Variants in KCNT2 observed in about 807,000 individuals in gnomAD.
KCNT2 encodes potassium channel subfamily T member 2.
In KCNT2, 67 loss-of-function variants were observed where a neutral mutation model predicts 153.8. The observed-to-expected ratio is 0.44, with a 90% CI of 0.36 to 0.53. KCNT2 has a LOEUF of 0.53. Ranked by LOEUF, KCNT2 falls within the 20% of genes least tolerant of loss-of-function variation. The pLI is 0.00. For missense variants in KCNT2, 975 were observed against 1,354.8 expected, an observed-to-expected ratio of 0.72 and a Z score of 4.40; for synonymous variants, 500 against 458.8, an observed-to-expected ratio of 1.09 and a Z score of -1.15.
chr1:196,370,855 T>G (rs1668465987), intron 14 of KCNT2, among the ~76,000 whole-genome samples: 1 of 152,098 alleles, frequency 6.6e-6, no homozygotes. Flanking sequence ...CAATGGAATA[T>G]TATTCAGTTG....
At chr1:196,482,409 T>A (rs780611212) in intron 3 of KCNT2, 30 bp from the exon 4 acceptor site, 6 of 1,253,192 alleles carry the variant, frequency 4.8e-6, no homozygotes, top group Non-Finnish European at 5.5e-6. Context: ...AAGTTAGTTT[T>A]TTAAAATATG....
chr1:196,243,456 A>G (rs1655139921), intron 26 of KCNT2, among the ~76,000 whole-genome samples: 1 of 152,152 alleles, frequency 6.6e-6, no homozygotes, highest in African/African-American at 2.4e-5. Flanking sequence ...AGTAGGAAAG[A>G]CCATCTTGAA....
intron 1 of KCNT2, among the ~76,000 whole-genome samples, chr1:196,552,623 T>A (rs1231701059): frequency 6.6e-6 from 1 of 151,412 alleles, no homozygotes; most frequent in African/African-American, 2.4e-5. Context: ...AAACACAGAA[T>A]AATGTTAAAA....
At chr1:196,473,756 A>G (rs1187328628) in intron 5 of KCNT2, among the ~76,000 whole-genome samples, 1 of 152,188 alleles carries the variant, frequency 6.6e-6, no homozygotes, top group Non-Finnish European at 1.5e-5. Context: ...CACAAGTTTC[A>G]TTGGCCAAAA....
At chr1:196,460,039 A>G (rs1677012973) in intron 8 of KCNT2, among the ~76,000 whole-genome samples, 1 of 151,786 alleles carries the variant, frequency 6.6e-6, no homozygotes, top group Non-Finnish European at 1.5e-5. Context: ...CAGTTTCAGT[A>G]ATTTTATTAC....
intron 1 of KCNT2, among the ~76,000 whole-genome samples, chr1:196,542,318 T>A (rs932573532): frequency 6.6e-6 from 1 of 152,152 alleles, no homozygotes; most frequent in African/African-American, 2.4e-5. Flanking sequence ...TTATATCAAG[T>A]CTTTTCAGGA....
intron 8 of KCNT2, among the ~76,000 whole-genome samples, chr1:196,453,048 T>G (rs1052547953): frequency 2.0e-5 from 3 of 152,002 alleles, no homozygotes; most frequent in Non-Finnish European, 4.4e-5. Flanking sequence ...TGTTTTTGCC[T>G]GTTATTTTTG....
At chr1:196,272,967 G>A (rs970514382) in intron 25 of KCNT2, among the ~76,000 whole-genome samples, 5 of 151,710 alleles carry the variant, frequency 3.3e-5, no homozygotes, top group African/African-American at 7.3e-5. Context: ...ATCTTAAGAC[G>A]TCTCACTATA....
At chr1:196,464,004 A>T (rs1677385322) in intron 8 of KCNT2, among the ~76,000 whole-genome samples, 1 of 151,890 alleles carries the variant, frequency 6.6e-6, no homozygotes, top group African/African-American at 2.4e-5. Context: ...TTTAGTAATC[A>T]TTAATTTTAG....
At chr1:196,381,671 G>A (rs184533607) in intron 13 of KCNT2, among the ~76,000 whole-genome samples, 1 of 152,236 alleles carries the variant, frequency 6.6e-6, no homozygotes. Flanking sequence ...ACAGAATGTA[G>A]CAGTGTTTCC....
chr1:196,388,237 G>A (rs1199043745), intron 13 of KCNT2, among the ~76,000 whole-genome samples: 1 of 151,262 alleles, frequency 6.6e-6, no homozygotes, highest in East Asian at 1.9e-4. Flanking sequence ...TCTACTTCTG[G>A]GTTGTATTCT....
At chr1:196,527,812 C>T (rs1654438092) in intron 1 of KCNT2, among the ~76,000 whole-genome samples, 1 of 152,148 alleles carries the variant, frequency 6.6e-6, no homozygotes, top group African/African-American at 2.4e-5. Flanking sequence ...CGGAGGTACA[C>T]CCCTTTCACA....
At chr1:196,281,633 A>G (rs1395655742) in intron 24 of KCNT2, among the ~76,000 whole-genome samples, 1 of 152,212 alleles carries the variant, frequency 6.6e-6, no homozygotes, top group Non-Finnish European at 1.5e-5. Flanking sequence ...TTCATTCAGC[A>G]TACTTGGACA....
intron 1 of KCNT2, among the ~76,000 whole-genome samples, chr1:196,529,533 A>G (rs1310669964): frequency 6.6e-6 from 1 of 152,070 alleles, no homozygotes; most frequent in Non-Finnish European, 1.5e-5. Flanking sequence ...TACAGCCACA[A>G]ACTCCTTTCA....
chr1:196,553,904 G>A (rs1658285073), intron 1 of KCNT2, among the ~76,000 whole-genome samples: 1 of 151,066 alleles, frequency 6.6e-6, no homozygotes, highest in South Asian at 2.1e-4. Flanking sequence ...GAAGTTAAGA[G>A]GAAATTGAAA....
At chr1:196,331,949 A>G (rs541798996) in intron 17 of KCNT2, among the ~76,000 whole-genome samples, 2 of 152,274 alleles carry the variant, frequency 1.3e-5, no homozygotes, top group Middle Eastern at 3.4e-3. Context: ...AGCCAACAGC[A>G]TATTTCGGCT....
intron 8 of KCNT2, among the ~76,000 whole-genome samples, chr1:196,447,231 T>A (rs1675763508): frequency 6.6e-6 from 1 of 151,500 alleles, no homozygotes. Context: ...TCGAAAATAA[T>A]GGAAAACATG....
intron 1 of KCNT2, among the ~76,000 whole-genome samples, chr1:196,520,933 C>CA (rs1358949982): frequency 2.6e-5 from 4 of 152,208 alleles, no homozygotes; most frequent in African/African-American, 9.6e-5. Context: ...ACAACAAAAG[C>CA]AAAAATTGAC....
chr1:196,343,856 T>C (rs1292166225), intron 14 of KCNT2, among the ~76,000 whole-genome samples: 1 of 152,158 alleles, frequency 6.6e-6, no homozygotes, highest in African/African-American at 2.4e-5. Flanking sequence ...CTCAGCTCAC[T>C]GCAACCTCTG....
Sources: gnomAD v4.1 joint callset for allele counts (sites outside exome capture counted in the v4.1 genomes callset) on GRCh38, gnomAD v4.1.1 for gene constraint, MANE v1.5 for transcripts, NCBI Gene and HGNC (gene_info 2026-07-23, HGNC 2026-07-21) for gene names.